L3MBTL4: variants seen among roughly 807,000 people sequenced by gnomAD.
L3MBTL4 encodes lethal(3)malignant brain tumor-like protein 4.
L3MBTL4 carries 70 observed loss-of-function variants against 84.5 expected under a neutral mutation model. The ratio of observed to expected loss-of-function variants is 0.83; its 90% CI spans 0.68 to 1.01. The LOEUF (loss-of-function observed/expected upper bound fraction) is 1.01. Ranked by LOEUF, L3MBTL4 falls within the 50% of genes least tolerant of loss-of-function variation. The pLI is 0.00. For missense variants in L3MBTL4, 715 were observed against 754.8 expected (o/e 0.95, Z 0.62); for synonymous variants, 274 against 259.8 (o/e 1.05, Z -0.52).
Position 6,128,150 on chromosome 18 carries a change from G to T in L3MBTL4, c.1199+10044C>A, listed in dbSNP as rs966939809. On this transcript the variant is annotated intron_variant, in intron 14 of 18. Transcript: ENST00000317931. ...AACAGGATACAATAAAAACAAATCA[G>T]AGAATAAGAATGTGTTCTCAGAAAC... Among the ~76,000 whole-genome samples the T allele has an allele frequency of 2.7e-5, 4 of 149,246 alleles. No individual in the cohort carries two copies. In the East Asian group the frequency reaches 7.8e-4, roughly 29 times the overall value.
intron 1 of L3MBTL4, among the ~76,000 whole-genome samples, chr18:6,389,834 G>A (rs1446141718): frequency 1.3e-5 from 2 of 151,824 alleles, no homozygotes; most frequent in African/African-American, 2.4e-5. Flanking sequence ...GAGACAGACA[G>A]CAAAACAATA....
intron 4 of L3MBTL4, among the ~76,000 whole-genome samples, chr18:6,278,282 G>A (rs2049174783): frequency 6.6e-6 from 1 of 152,190 alleles, no homozygotes; most frequent in Non-Finnish European, 1.5e-5. Context: ...GCTTTGCAAA[G>A]AATGGAAGTT....
intron 16 of L3MBTL4, among the ~76,000 whole-genome samples, chr18:6,068,920 C>T (rs1454340221): frequency 6.6e-6 from 1 of 152,202 alleles, no homozygotes; most frequent in Non-Finnish European, 1.5e-5. Flanking sequence ...GATGCTCTCC[C>T]CCTTCCCCTA....
At chr18:6,157,857 C>A (rs1438901613) in intron 13 of L3MBTL4, among the ~76,000 whole-genome samples, 1 of 152,116 alleles carries the variant, frequency 6.6e-6, no homozygotes, top group African/African-American at 2.4e-5. Context: ...AAAGAAAGAA[C>A]AATGACACAA....
At chr18:5,976,560 A>G (rs1424670855) in intron 16 of L3MBTL4, among the ~76,000 whole-genome samples, 1 of 152,150 alleles carries the variant, frequency 6.6e-6, no homozygotes, top group East Asian at 1.9e-4. Context: ...CCAGAAATCC[A>G]ATAACAGAAG....
Position 6,241,449 on chromosome 18 carries a change from C to T in L3MBTL4, c.461G>A (p.Gly154Asp), listed in dbSNP as rs1189356858. 1.9e-6 allele frequency: 3 copies of T among 1,549,406 alleles called. No homozygotes were observed. Among genetic ancestry groups the T allele is most frequent in the Non-Finnish European group, 1.8e-6 (2 of 1,131,894 alleles). Residue 154 changes from glycine to aspartate, a missense_variant and splice_region_variant, in exon 8 of 19, where the codon GGT becomes GAT. Gly to Asp is a moderately conservative substitution (Grantham distance 94). Coordinates refer to ENST00000317931, the MANE Select transcript of L3MBTL4 (RefSeq NM_001330559.2). ...KTKHELHIPK[G>D]YRKDKFVWMD... ...CCAAACAAATTTATCTTTTCTATAA[C>T]CTAAAAAAAGCACAGATTACTCAAA...
chr18:6,093,552 A>C, intron 14 of L3MBTL4, 24 bp from the exon 15 acceptor site: 1 of 1,605,070 alleles, frequency 6.2e-7, no homozygotes. Context: ...AAATGAGAGC[A>C]CAGTCATCAG....
chr18:6,226,485 C>T (rs965417275), intron 10 of L3MBTL4, among the ~76,000 whole-genome samples: 3 of 151,940 alleles, frequency 2.0e-5, no homozygotes, highest in Non-Finnish European at 2.9e-5. Context: ...ACAGCCTTTA[C>T]GAGATATAGA....
At chr18:6,179,125 G>C (rs146165465) in intron 12 of L3MBTL4, among the ~76,000 whole-genome samples, 43 of 152,286 alleles carry the variant, frequency 2.8e-4, no homozygotes, top group African/African-American at 1.0e-3. Context: ...ATTAGCCTAA[G>C]TGACTATTAC....
chr18:6,232,875 AT>A (rs1265346977), intron 10 of L3MBTL4, among the ~76,000 whole-genome samples: 1 of 152,144 alleles, frequency 6.6e-6, no homozygotes, highest in Non-Finnish European at 1.5e-5. Flanking sequence ...AACATATATA[AT>A]TTTTTGAAAG....
At chr18:6,385,119 G>A (rs906606265) in intron 1 of L3MBTL4, among the ~76,000 whole-genome samples, 1 of 152,086 alleles carries the variant, frequency 6.6e-6, no homozygotes, top group African/African-American at 2.4e-5. Flanking sequence ...AAGCTTAAAG[G>A]GGCAGGCCAC....
chr18:6,174,150 A>T (rs1471754491), intron 12 of L3MBTL4, among the ~76,000 whole-genome samples: 1 of 152,070 alleles, frequency 6.6e-6, no homozygotes, highest in East Asian at 1.9e-4. Flanking sequence ...ACTCTTAAAA[A>T]AAAAAAAAAA....
At chr18:6,001,041 A>T (rs1356431788) in intron 16 of L3MBTL4, among the ~76,000 whole-genome samples, 1 of 152,194 alleles carries the variant, frequency 6.6e-6, no homozygotes, top group Non-Finnish European at 1.5e-5. Flanking sequence ...GCAACTACTC[A>T]CTTCCCATCC....
intron 14 of L3MBTL4, among the ~76,000 whole-genome samples, chr18:6,121,381 G>C (rs536887148): frequency 5.3e-4 from 80 of 152,238 alleles, no homozygotes; most frequent in African/African-American, 1.8e-3. Flanking sequence ...ATAGGCAAAT[G>C]AATATTAAAT....
At chr18:5,971,727 G>A (rs1234914889) in intron 16 of L3MBTL4, among the ~76,000 whole-genome samples, 2 of 152,314 alleles carry the variant, frequency 1.3e-5, no homozygotes, top group South Asian at 4.1e-4. Flanking sequence ...TTTGGGTGCT[G>A]GGGCAGACTC....
chr18:6,129,309 A>G (rs1358954767), intron 14 of L3MBTL4, among the ~76,000 whole-genome samples: 6 of 150,364 alleles, frequency 4.0e-5, no homozygotes, highest in Admixed American at 3.3e-4. Context: ...TTGTAGTATT[A>G]TTATTTTGCT....
At chr18:6,099,776 A>G (rs972529842) in intron 14 of L3MBTL4, among the ~76,000 whole-genome samples, 1 of 151,192 alleles carries the variant, frequency 6.6e-6, no homozygotes, top group Non-Finnish European at 1.5e-5. Context: ...AAAATTTAGT[A>G]CACACAGAGT....
chr18:6,003,433 A>C (rs1397736053), intron 16 of L3MBTL4, among the ~76,000 whole-genome samples: 2 of 151,974 alleles, frequency 1.3e-5, no homozygotes. Flanking sequence ...TGAAAAGATA[A>C]ATAGACTATT....
intron 4 of L3MBTL4, among the ~76,000 whole-genome samples, chr18:6,277,367 G>A (rs2049131560): frequency 6.6e-6 from 1 of 152,088 alleles, no homozygotes; most frequent in African/African-American, 2.4e-5. Context: ...GGCCACTTGG[G>A]CAAGCATAAC....
Sources: gnomAD v4.1 joint callset for allele counts (sites outside exome capture counted in the v4.1 genomes callset) on GRCh38, gnomAD v4.1.1 for gene constraint, MANE v1.5 for transcripts, NCBI Gene and HGNC (gene_info 2026-07-23, HGNC 2026-07-21) for gene names.